CFI: variants seen among roughly 807,000 people sequenced by gnomAD.
CFI encodes the protein C3B/C4B inactivator.
A neutral mutation model predicts 78.8 loss-of-function variants in CFI; 66 were observed. The ratio of observed to expected loss-of-function variants is 0.84; its 90% confidence interval spans 0.69 to 1.03. The LOEUF (loss-of-function observed/expected upper bound fraction) is 1.03, where lower values mean the gene tolerates loss of function less well. Ranked by LOEUF, CFI falls within the 50% of genes least tolerant of loss-of-function variation. The pLI is 0.00. For synonymous variants in CFI, 250 were observed against 232.6 expected (o/e 1.07, Z -0.68); for missense variants, 706 against 704.5 (o/e 1.00, Z -0.02).
chr4:109,778,188 C>T (rs1256886921), intron 1 of CFI, among the ~76,000 whole-genome samples: 1 of 152,060 alleles, frequency 6.6e-6, no homozygotes, highest in Non-Finnish European at 1.5e-5. Context: ...ATCAATGAAT[C>T]CAGGAGATGG....
chr4:109,742,100 G>C (rs1160434725), intron 12 of CFI: 4 of 196,782 alleles, frequency 2.0e-5, no homozygotes, highest in Admixed American at 5.3e-5. Flanking sequence ...CCTCTTGTCT[G>C]TAAGACTTTG....
chr4:109,751,335 C>T (rs1725104499), intron 8 of CFI, among the ~76,000 whole-genome samples: 2 of 151,734 alleles, frequency 1.3e-5, no homozygotes, highest in Non-Finnish European at 1.5e-5. Flanking sequence ...GACTGTGAAA[C>T]CAACTTAGGT....
intron 7 of CFI, among the ~76,000 whole-genome samples, chr4:109,753,804 C>A (rs34393349): frequency 4.4e-5 from 4 of 90,382 alleles, no homozygotes; most frequent in African/African-American, 1.7e-4. Flanking sequence ...TATATATTAT[C>A]TAATGTATAA....
chr4:109,758,046 G>A (rs1190676202), intron 6 of CFI: 3 of 1,006,188 alleles, frequency 3.0e-6, no homozygotes, highest in South Asian at 2.1e-5. Context: ...TTTCAGACTA[G>A]TACAACTTAA....
intron 1 of CFI, among the ~76,000 whole-genome samples, chr4:109,786,246 G>C (rs1459029094): frequency 1.3e-5 from 2 of 151,956 alleles, no homozygotes; most frequent in Non-Finnish European, 2.9e-5. Flanking sequence ...GGCCAGGCTG[G>C]TCTCGAACTC....
chr4:109,736,143 A>G (rs1229945651), downstream of CFI, among the ~76,000 whole-genome samples: 1 of 152,206 alleles, frequency 6.6e-6, no homozygotes, highest in Non-Finnish European at 1.5e-5. Context: ...AGAAATCTAT[A>G]AACTCATACT....
the CFI span, among the ~76,000 whole-genome samples, chr4:109,732,121 C>T: frequency 6.6e-6 from 1 of 152,118 alleles, no homozygotes; most frequent in Non-Finnish European, 1.5e-5. Context: ...GACCCAAAGC[C>T]TCTCCTTTCC....
intron 1 of CFI, among the ~76,000 whole-genome samples, chr4:109,787,707 T>G (rs1362501032): frequency 6.6e-6 from 1 of 151,974 alleles, no homozygotes; most frequent in Non-Finnish European, 1.5e-5. Flanking sequence ...TGGCTTCTTG[T>G]GTGCTAATTT....
At chr4:109,762,503 G>C (rs900375017) in intron 3 of CFI, 3 of 152,132 alleles carry the variant, frequency 2.0e-5, no homozygotes, top group Non-Finnish European at 4.4e-5. Context: ...ATTCTTCTAG[G>C]ACATTCAATT....
At chr4:109,741,695 G>A (rs922731779) in intron 12 of CFI, among the ~76,000 whole-genome samples, 26 of 152,132 alleles carry the variant, frequency 1.7e-4, no homozygotes, top group African/African-American at 6.0e-4. Context: ...CTGTAATCCT[G>A]AACTCCATTT....
At chr4:109,757,707 G>T in intron 7 of CFI, 56 bp downstream of exon 7, 1 of 1,134,128 alleles carries the variant, frequency 8.8e-7, no homozygotes, top group Non-Finnish European at 1.3e-6. Flanking sequence ...TAAGACCAAA[G>T]AACCTGAGTT....
intron 11 of CFI, among the ~76,000 whole-genome samples, chr4:109,743,997 C>T (rs1724129902): frequency 6.6e-6 from 1 of 151,720 alleles, no homozygotes. Context: ...AAAAAAAAAT[C>T]CAGATAAAGA....
chr4:109,781,651 T>C (rs910418455), intron 1 of CFI, among the ~76,000 whole-genome samples: 1 of 152,064 alleles, frequency 6.6e-6, no homozygotes, highest in Non-Finnish European at 1.5e-5. Context: ...CCTCCCCAAT[T>C]CATTCTGTGA....
At chr4:109,792,667 G>A (rs1731531156) in intron 1 of CFI, among the ~76,000 whole-genome samples, 1 of 151,978 alleles carries the variant, frequency 6.6e-6, no homozygotes, top group South Asian at 2.1e-4. Context: ...CTATTGTTTA[G>A]TGTATAATAT....
At chr4:109,775,450 G>A (rs1729103106) in intron 1 of CFI, among the ~76,000 whole-genome samples, 2 of 152,222 alleles carry the variant, frequency 1.3e-5, no homozygotes, top group Admixed American at 6.5e-5. Flanking sequence ...AAGGCTGGGG[G>A]AGGGGCGTCT....
At chr4:109,757,985 T>C in intron 6 of CFI, 1 of 1,443,604 alleles carries the variant, frequency 6.9e-7, no homozygotes, top group South Asian at 1.4e-5. Flanking sequence ...AAAAACTCAC[T>C]ATAGCAAAGA....
chr4:109,736,417 G>T (rs1250342960), downstream of CFI, among the ~76,000 whole-genome samples: 5 of 150,878 alleles, frequency 3.3e-5, no homozygotes, highest in East Asian at 9.7e-4. Context: ...CTCTAAAAGG[G>T]AACTTAAGTT....
rs1402248915 is a variant in CFI at position 109,766,665 on chromosome 4, C to T, written c.217G>A (p.Ala73Thr). The change falls in exon 2 of 13, where the codon GCA becomes ACA. Residue 73 changes from alanine to threonine, a missense_variant. By Grantham distance (58) the Ala-to-Thr change is moderately conservative (BLOSUM62 0). Coordinates refer to ENST00000394634, the MANE Select transcript of CFI (RefSeq NM_000204.5). ...LPYQCPKNGT[A>T]VCATNRRSFP... ...CTTCTCCTGTTAGTTGCACACACTG[C>T]AGTGCCATTCTTTGGGCACTGATAC... is the stretch of plus-strand genomic sequence containing the variant. 28 of 1,614,200 alleles carry T rather than the reference C, an allele frequency of 1.7e-5. No individual in the cohort carries two copies. Among genetic ancestry groups the T allele is most frequent in the Non-Finnish European group, 2.4e-5 (28 of 1,180,030 alleles).
intron 1 of CFI, among the ~76,000 whole-genome samples, chr4:109,785,666 C>G (rs1190265933): frequency 6.6e-6 from 1 of 151,966 alleles, no homozygotes; most frequent in African/African-American, 2.4e-5. Context: ...GTGTCCCCAC[C>G]CAAATCTCAT....
Sources: allele counts gnomAD v4.1 joint callset (sites outside exome capture counted in the v4.1 genomes callset), GRCh38; gene constraint gnomAD v4.1.1; transcripts MANE v1.5; gene names NCBI Gene and HGNC (gene_info 2026-07-23, HGNC 2026-07-21).